The following RBM15 variants were observed in gnomAD, a reference collection of about 807,000 sequenced individuals.
The protein encoded by RBM15 is RNA-binding protein 15.
RBM15 carries 8 observed loss-of-function variants against 62.6 expected under a neutral mutation model. The observed-to-expected ratio is 0.13, with a 90% confidence interval of 0.07 to 0.23. The LOEUF (loss-of-function observed/expected upper bound fraction) is 0.23. Ranked by LOEUF, RBM15 falls within the 10% of genes least tolerant of loss-of-function variation. The pLI is 1.00. For missense variants in RBM15, 1,144 were observed against 1,286.5 expected (o/e 0.89, Z 1.69); for synonymous variants, 606 against 505.7 (o/e 1.20, Z -2.66).
At position 110,341,488 on chromosome 1, in the gene RBM15, C is replaced by T. The variant is rs773829825; in HGVS notation, c.2083C>T (p.Leu695Phe). ...NSDNDRSSRL[L>F]LERPSPIRDR... ...CGACAATGATCGATCTTCCCGTCTT[C>T]TCTTGGAAAGGCCCTCTCCAATCAG... Residue 695 changes from leucine to phenylalanine, a missense_variant, in exon 1 of 3, where the codon CTC (leucine) becomes TTC (phenylalanine). Physicochemically the swap from Leu to Phe is conservative, Grantham distance 22. Coordinates refer to ENST00000369784, the MANE Select transcript of RBM15 (RefSeq NM_022768.5). The surrounding 1 kb of genome is among the most constrained non-coding windows in gnomAD (Gnocchi z 4.5). 6 of 1,613,992 alleles carry T rather than the reference C, an allele frequency of 3.7e-6. No individual in the cohort carries two copies. The East Asian group carries it at 1.1e-4, about 30-fold the overall frequency.
At position 110,345,463 on chromosome 1, in the gene RBM15, G is replaced by A. The variant is rs1251869854; in HGVS notation, c.2864-76G>A. 5 of 917,424 alleles carry A rather than the reference G, an allele frequency of 5.5e-6. No individual in the cohort carries two copies. In the Admixed American group the frequency reaches 9.2e-5, roughly 17 times the overall value. 56.8% of individuals were successfully genotyped at this position (917,424 alleles called of 1,614,324 possible). A position where few individuals can be genotyped will look rare whatever the true frequency, so the allele number is the denominator to read the frequency against. On this transcript the variant is annotated intron_variant, in intron 1 of 2. Transcript: ENST00000369784. ...GAATTAGGAAATCCTCTTGAGAAGA[G>A]GGCCTTAATGACCTTTTATGTGAAA...
Position 110,339,806 on chromosome 1 carries a change from C to A in RBM15, c.401C>A (p.Ser134Tyr). 1.2e-6 allele frequency: 2 copies of A among 1,600,782 alleles called. No homozygotes were observed. The highest frequency in any genetic ancestry group is 3.4e-5 in the Admixed American group (2 of 59,674). ...TATAGCTCCCCGAGCACCAAAAATT[C>A]TTCGGGCGGGGGCGAATCGCGCAGC... ...HSYSSPSTKNSSGGGESRSSS... is the reference protein window; with the variant it reads ...HSYSSPSTKNYSGGGESRSSS... The change falls in exon 1 of 3, where the codon TCT becomes TAT. Residue 134 changes from serine to tyrosine, a missense_variant. Ser to Tyr is a moderately radical substitution (Grantham distance 144). Transcript: ENST00000369784.
At position 110,345,650 on chromosome 1, in the gene RBM15, G is replaced by T; in HGVS notation, c.*40+1G>T. On this transcript the variant is annotated splice_donor_variant, in intron 2 of 2. Coordinates refer to ENST00000369784, the MANE Select transcript of RBM15 (RefSeq NM_022768.5). LOFTEE classifies it low-confidence loss of function (3UTR_SPLICE). Reference sequence around the variant, plus strand: ...CCCTAAAGGGAGGAAATGATTTCAGGTAACCACAGTGAAATGTTAAGCTGA... The same window carrying T: ...CCCTAAAGGGAGGAAATGATTTCAGTTAACCACAGTGAAATGTTAAGCTGA... The T allele has an allele frequency of 6.6e-7, 1 of 1,521,522 alleles. No individual in the cohort carries two copies. Among genetic ancestry groups the T allele is most frequent in the South Asian group, 1.2e-5 (1 of 80,654 alleles). 94.3% of individuals were successfully genotyped at this position (1,521,522 alleles called of 1,614,324 possible).
Position 110,342,261 on chromosome 1 carries a change from T to C in RBM15, c.2856T>C (p.Ile952=), listed in dbSNP as rs1660815260. 1 of 1,575,192 alleles carries C rather than the reference T, an allele frequency of 6.3e-7. No individual in the cohort carries two copies. Among genetic ancestry groups the C allele is most frequent in the Non-Finnish European group, 8.6e-7 (1 of 1,159,752 alleles). ...AAGAAGATTACCTGGTCATGATCAT[T>C]GTCCGTGGTGCGTCCTAAAGTCCAT... The part of the protein sequence containing the change: ...KSEEDYLVMI[I]VRGFGFQIGV... The change falls in exon 1 of 3, where the codon ATT becomes ATC. Residue 952 remains isoleucine, a synonymous_variant. Coordinates refer to ENST00000369784, the MANE Select transcript of RBM15 (RefSeq NM_022768.5).
At position 110,339,522 on chromosome 1, in the gene RBM15, C is replaced by G. The variant is rs756766725; in HGVS notation, c.117C>G (p.Leu39=). The G allele has an allele frequency of 1.2e-6, 2 of 1,600,560 alleles. No homozygotes were observed. The highest frequency in any genetic ancestry group is 1.1e-5 in the South Asian group (1 of 90,340). Residue 39 remains leucine (L), a synonymous_variant, in exon 1 of 3, where the codon CTC becomes CTG. Coordinates refer to ENST00000369784, the MANE Select transcript of RBM15 (RefSeq NM_022768.5). ...RRVTQLRGDD[L]RRPATMKGKE... ...TTACTCAGCTCCGCGGAGACGACCT[C>G]CGACGACCCGCAACAATGAAGGGAA...
chr1:110,343,107 A>G (rs1199243571), intron 1 of RBM15, among the ~76,000 whole-genome samples: 1 of 152,150 alleles, frequency 6.6e-6, no homozygotes, highest in African/African-American at 2.4e-5. Context: ...CTAATCGTGC[A>G]TATTTCGAAA....
At position 110,341,869 on chromosome 1, in the gene RBM15, A is replaced by T; in HGVS notation, c.2464A>T (p.Thr822Ser). Residue 822 changes from threonine (T) to serine (S), a missense_variant, in exon 1 of 3, where the codon ACT becomes TCT. Coordinates refer to ENST00000369784, the MANE Select transcript of RBM15 (RefSeq NM_022768.5). The surrounding 1 kb of genome is among the most constrained non-coding windows in gnomAD (Gnocchi z 4.5). ...VASSLLVEGSTGGKVAQLKIT... is the reference protein window; with the variant it reads ...VASSLLVEGSSGGKVAQLKIT... Reference sequence around the variant, plus strand: ...TAGTAGTCTTCTTGTGGAGGGTTCAACTGGAGGCAAAGTGGCCCAGCTCAA... The same window carrying T: ...TAGTAGTCTTCTTGTGGAGGGTTCATCTGGAGGCAAAGTGGCCCAGCTCAA... The T allele has an allele frequency of 6.2e-7, 1 of 1,614,180 alleles. No homozygotes were observed. The highest frequency in any genetic ancestry group is 8.5e-7 in the Non-Finnish European group (1 of 1,180,044).
In RBM15 at chr1:110,340,546, C is replaced by T. The variant is rs1660774507; in HGVS notation, c.1141C>T (p.Leu381=). 1 of 1,614,174 alleles carries T rather than the reference C, an allele frequency of 6.2e-7. No individual in the cohort carries two copies. The highest frequency in any genetic ancestry group is 8.5e-7 in the Non-Finnish European group (1 of 1,180,024). ...TAACCGGACGCTCTTCTTGGGCAAC[C>T]TAGACATCACTGTAACGGAGAGTGA... is the stretch of plus-strand genomic sequence containing the variant. ...RANRTLFLGN[L]DITVTESDLR... Residue 381 remains leucine, a synonymous_variant, in exon 1 of 3, where the codon CTA becomes TTA. Transcript: ENST00000369784. This position sits in a 1 kb window ranked among gnomAD's most constrained non-coding sequence, Gnocchi z 5.8.
In RBM15 at chr1:110,340,315, G is replaced by A; in HGVS notation, c.910G>A (p.Asp304Asn). The change falls in exon 1 of 3, where the codon GAC becomes AAC. Residue 304 changes from aspartate (D) to asparagine (N), a missense_variant. Asp to Asn is a conservative substitution (Grantham distance 23). Coordinates refer to ENST00000369784, the MANE Select transcript of RBM15 (RefSeq NM_022768.5). The surrounding 1 kb of genome is among the most constrained non-coding windows in gnomAD (Gnocchi z 5.8). The stretch of plus-strand genomic sequence containing the variant: ...TGGTGGCGCTGCTTTGGGATACAGA[G>A]ACTACCGGCTGCAGCAGTTGGCTCT... Reference protein sequence around the residue: ...SPGGAALGYRDYRLQQLALGR... With the variant: ...SPGGAALGYRNYRLQQLALGR... 6.2e-7 allele frequency: 1 copy of A among 1,614,228 alleles called. No homozygotes were observed. Among genetic ancestry groups the A allele is most frequent in the Non-Finnish European group, 8.5e-7 (1 of 1,180,034 alleles).
rs760341628 is a variant in RBM15 at position 110,340,353 on chromosome 1, C to T, written c.948C>T (p.Pro316=). 106 of 1,614,064 alleles carry T rather than the reference C, an allele frequency of 6.6e-5. No individual in the cohort carries two copies. The highest frequency in any genetic ancestry group is 8.0e-5 in the Non-Finnish European group (94 of 1,180,038). ...AGCAGTTGGCTCTTGGCCGCCTGCCCCCTCCACCTCCGCCACCATTGCCTC... is the reference window on the plus strand; with the variant it reads ...AGCAGTTGGCTCTTGGCCGCCTGCCTCCTCCACCTCCGCCACCATTGCCTC... ...RLQQLALGRL[P]PPPPPPLPRD... The change falls in exon 1 of 3, where the codon CCC becomes CCT. Residue 316 remains proline (P), a synonymous_variant. Transcript: ENST00000369784. This position sits in a 1 kb window ranked among gnomAD's most constrained non-coding sequence, Gnocchi z 5.8.
Position 110,342,037 on chromosome 1 carries a change from T to C in RBM15, c.2632T>C (p.Ser878Pro). 1 of 1,614,240 alleles carries C rather than the reference T, an allele frequency of 6.2e-7. No homozygotes were observed. Residue 878 changes from serine (S) to proline (P), a missense_variant, in exon 1 of 3, where the codon TCA becomes CCA. Ser to Pro is a moderately conservative substitution (Grantham distance 74). Coordinates refer to ENST00000369784, the MANE Select transcript of RBM15 (RefSeq NM_022768.5). ...DSRSSSSSAA[S>P]DTATSTQRPL... is the part of the protein sequence containing the mutation. ...CCGGTCCTCCTCTTCCTCAGCTGCATCAGACACTGCCACTTCTACTCAGAG... is the reference window on the plus strand; with the variant it reads ...CCGGTCCTCCTCTTCCTCAGCTGCACCAGACACTGCCACTTCTACTCAGAG...
At position 110,342,184 on chromosome 1, in the gene RBM15, G is replaced by C; in HGVS notation, c.2779G>C (p.Glu927Gln). ...GGTCCTTCATGCCTTCCCACCTTGT[G>C]AGTTCTCCCAGCAGTTCCTGGATTC... The part of the protein sequence containing the change: ...TGVLHAFPPC[E>Q]FSQQFLDSPA... Residue 927 changes from glutamate (E) to glutamine (Q), a missense_variant, in exon 1 of 3, where the codon GAG becomes CAG. Physicochemically the swap from Glu to Gln is conservative, Grantham distance 29. Around this residue, in one of 8 missense-constraint regions of RBM15, gnomAD observed 144 missense variants for 223.3 expected, o/e 0.64. Coordinates refer to ENST00000369784, the MANE Select transcript of RBM15 (RefSeq NM_022768.5). 1 of 1,614,036 alleles carries C rather than the reference G, an allele frequency of 6.2e-7. No individual in the cohort carries two copies. The highest frequency in any genetic ancestry group is 8.5e-7 in the Non-Finnish European group (1 of 1,179,936).
rs955092622 is a variant in RBM15, at chr1:110,339,526, C to T, written c.121C>T (p.Arg41Ter). The part of the protein sequence containing the change: ...VTQLRGDDLR[R>*]PATMKGKERS... ...TCAGCTCCGCGGAGACGACCTCCGACGACCCGCAACAATGAAGGGAAAAGA... is the reference window on the plus strand; with the variant it reads ...TCAGCTCCGCGGAGACGACCTCCGATGACCCGCAACAATGAAGGGAAAAGA... Residue 41 changes from arginine (R) to a stop codon, truncating the protein, a stop_gained, in exon 1 of 3, where the codon CGA (arginine) becomes TGA (stop). Coordinates refer to ENST00000369784, the MANE Select transcript of RBM15 (RefSeq NM_022768.5). LOFTEE classifies it high-confidence loss of function. 6.2e-7 allele frequency: 1 copy of T among 1,601,436 alleles called. No homozygotes were observed.
chr1:110,346,179 GT>G, intron 2 of RBM15, 128 bp from the exon 3 acceptor site: 2 of 861,166 alleles, frequency 2.3e-6, no homozygotes, highest in South Asian at 3.3e-5. Flanking sequence ...GCTTTTTGAA[GT>G]TGAGGTGAAC....
chr1:110,344,203 A>G (rs1467453366), intron 1 of RBM15, among the ~76,000 whole-genome samples: 1 of 152,200 alleles, frequency 6.6e-6, no homozygotes, highest in Non-Finnish European at 1.5e-5. Flanking sequence ...TGGAGTCTAC[A>G]TACGTGGGCT....
rs1370846195 is a variant in RBM15, at chr1:110,339,643, A to G, written c.238A>G (p.Ser80Gly). The G allele has an allele frequency of 2.5e-6, 4 of 1,613,190 alleles. No individual in the cohort carries two copies. The East Asian group carries it at 6.7e-5, about 27-fold the overall frequency. ...RSKKLGGSGG[S>G]NGSSSGKTDS... The stretch of plus-strand genomic sequence containing the variant: ...CAAGAAGTTAGGGGGCTCTGGTGGC[A>G]GCAATGGGAGCAGCAGCGGAAAGAC... Residue 80 changes from serine to glycine, a missense_variant, in exon 1 of 3, where the codon AGC becomes GGC. By Grantham distance (56) the Ser-to-Gly change is moderately conservative. This residue lies in a region of RBM15 where 298 missense variants were observed against 250.0 expected (regional missense o/e 1.19). Coordinates refer to ENST00000369784, the MANE Select transcript of RBM15 (RefSeq NM_022768.5).
chr1:110,343,690 A>C (rs1403000559), intron 1 of RBM15, among the ~76,000 whole-genome samples: 1 of 152,060 alleles, frequency 6.6e-6, no homozygotes, highest in Non-Finnish European at 1.5e-5. Flanking sequence ...TGAAGACTTC[A>C]GCTAAGGCCC....
chr1:110,342,081 G>A lies in RBM15; in HGVS notation c.2676G>A (p.Val892=). Residue 892 remains valine (V), a synonymous_variant, in exon 1 of 3, where the codon GTG becomes GTA. Coordinates refer to ENST00000369784, the MANE Select transcript of RBM15 (RefSeq NM_022768.5). ...CTCAGAGGCCACTTAGGAACCTTGT[G>A]TCCTATTTAAAGCAAAAGCAGGCAG... ...TSTQRPLRNL[V]SYLKQKQAAG... 1.2e-6 allele frequency: 2 copies of A among 1,614,204 alleles called. No homozygotes were observed. The highest frequency in any genetic ancestry group is 1.7e-6 in the Non-Finnish European group (2 of 1,180,016).
In RBM15 at chr1:110,339,661, G is replaced by A. The variant is rs1343159081; in HGVS notation, c.256G>A (p.Gly86Arg). 2 of 1,613,312 alleles carry A rather than the reference G, an allele frequency of 1.2e-6. No individual in the cohort carries two copies. The highest frequency in any genetic ancestry group is 1.7e-6 in the Non-Finnish European group (2 of 1,179,990). ...TGGTGGCAGCAATGGGAGCAGCAGC[G>A]GAAAGACCGATAGCGGCGGTGGGTC... Reference protein sequence around the residue: ...GSGGSNGSSSGKTDSGGGSRR... With the variant: ...GSGGSNGSSSRKTDSGGGSRR... The change falls in exon 1 of 3, where the codon GGA becomes AGA. Residue 86 changes from glycine to arginine, a missense_variant. By Grantham distance (125) the Gly-to-Arg change is moderately radical. Coordinates refer to ENST00000369784, the MANE Select transcript of RBM15 (RefSeq NM_022768.5).
Sources: gnomAD v4.1 joint callset for allele counts (sites outside exome capture counted in the v4.1 genomes callset) on GRCh38, gnomAD v4.1.1 for gene constraint, gnomAD v4.1.1 regional missense constraint, Gnocchi (gnomAD v3.1) non-coding constraint, MANE v1.5 for transcripts, NCBI Gene and HGNC (gene_info 2026-07-23, HGNC 2026-07-21) for gene names.